ADCY6: variants seen among roughly 807,000 people sequenced by gnomAD.
The protein encoded by ADCY6 is adenylate cyclase 6.
ADCY6 carries 59 observed loss-of-function variants against 111.6 expected under a neutral mutation model. The observed-to-expected ratio is 0.53, with a 90% CI of 0.43 to 0.66. The LOEUF (loss-of-function observed/expected upper bound fraction) is 0.66, where lower values mean the gene tolerates loss of function less well. Among genes scored for constraint, ADCY6 ranks in the 30% least tolerant of loss-of-function variants. ADCY6 has a pLI of 0.00. For missense variants in ADCY6, 1,242 were observed against 1,595.6 expected (o/e 0.78, Z 3.78); for synonymous variants, 576 against 642.9 (o/e 0.90, Z 1.57).
At chr12:48,772,127 A>G in intron 18 of ADCY6, 154 bp from the exon 19 acceptor site, 1 of 1,377,550 alleles carries the variant, frequency 7.3e-7, no homozygotes, top group Non-Finnish European at 9.7e-7. Context: ...TAAAGGGGGC[A>G]GGTAGAGGAT....
At chr12:48,775,090 T>C (rs747668070) in intron 11 of ADCY6, 36 bp from the exon 12 acceptor site, 3 of 1,528,298 alleles carry the variant, frequency 2.0e-6, no homozygotes, top group African/African-American at 1.4e-5. Flanking sequence ...TGCTGGGCCC[T>C]CCCTAAGGAA....
chr12:48,775,595 G>A (rs1941675462), intron 10 of ADCY6, 78 bp downstream of exon 10: 1 of 1,585,810 alleles, frequency 6.3e-7, no homozygotes, highest in South Asian at 1.1e-5. Context: ...CTAAGGTCAG[G>A]GAAAAGGAGG....
rs1161773397 is a variant in ADCY6 at position 48,772,558 on chromosome 12, G to A, written c.2622-15C>T. On this transcript the variant is annotated splice_polypyrimidine_tract_variant and intron_variant, in intron 16 of 21. Coordinates refer to ENST00000357869, the MANE Select transcript of ADCY6 (RefSeq NM_015270.5). ...TGGAAGAAGCCCTGGTAAGAAGATA[G>A]AAGAGACAAAGTCATCAGTGCTTCC... is the stretch of plus-strand genomic sequence containing the variant. 6.2e-7 allele frequency: 1 copy of A among 1,614,180 alleles called. No homozygotes were observed. The highest frequency in any genetic ancestry group is 1.7e-5 in the Admixed American group (1 of 60,020).
chr12:48,774,582 A>C, intron 13 of ADCY6, 64 bp from the exon 14 acceptor site: 5 of 1,579,734 alleles, frequency 3.2e-6, no homozygotes, highest in Non-Finnish European at 4.4e-6. Flanking sequence ...GCAACCAGGG[A>C]TGGGGCCCAG....
chr12:48,775,332 T>C lies in ADCY6; in HGVS notation c.1951A>G (p.Thr651Ala). The C allele has an allele frequency of 6.2e-7, 1 of 1,613,978 alleles. No homozygotes were observed. Among genetic ancestry groups the C allele is most frequent in the Non-Finnish European group, 8.5e-7 (1 of 1,179,980 alleles). Reference protein sequence around the residue: ...RKDHVRRFLLTFQREDLEKKY... With the variant: ...RKDHVRRFLLAFQREDLEKKY... ...TTCTCAAGATCCTCTCTCTGGAAGG[T>C]GAGCAGAAACCGGCGCACATGGTCC... is the stretch of plus-strand genomic sequence containing the variant. Residue 651 changes from threonine to alanine, a missense_variant, in exon 11 of 22, where the codon ACC (threonine) becomes GCC (alanine). Physicochemically the swap from Thr to Ala is moderately conservative, Grantham distance 58. Transcript: ENST00000357869.
Position 48,771,829 on chromosome 12 carries a change from C to T in ADCY6, c.2932G>A (p.Val978Met), listed in dbSNP as rs1340911276. 6.2e-7 allele frequency: 1 copy of T among 1,614,228 alleles called. No individual in the cohort carries two copies. The highest frequency in any genetic ancestry group is 8.5e-7 in the Non-Finnish European group (1 of 1,180,054). Residue 978 changes from valine (V) to methionine (M), a missense_variant, in exon 19 of 22, where the codon GTG (valine) becomes ATG (methionine). By Grantham distance (21) the Val-to-Met change is conservative. Coordinates refer to ENST00000357869, the MANE Select transcript of ADCY6 (RefSeq NM_015270.5). The surrounding 1 kb of genome is among the most constrained non-coding windows in gnomAD (Gnocchi z 4.3). Reference sequence around the variant, plus strand: ...GCAATGGAGGCAAACATAACAGCCACACACTCACACGACTGATAGTAGAGT... The same window carrying T: ...GCAATGGAGGCAAACATAACAGCCATACACTCACACGACTGATAGTAGAGT... ...DELYYQSCEC[V>M]AVMFASIANF...
rs368180365 is a variant in ADCY6, at chr12:48,775,626, C to T, written c.1832+47G>A. 4 of 1,600,314 alleles carry T rather than the reference C, an allele frequency of 2.5e-6. No homozygotes were observed. In the East Asian group the frequency reaches 6.7e-5, roughly 27 times the overall value. On this transcript the variant is annotated intron_variant, in intron 10 of 21. Coordinates refer to ENST00000357869, the MANE Select transcript of ADCY6 (RefSeq NM_015270.5). The stretch of plus-strand genomic sequence containing the variant: ...GGAGGATCTCGGCTCCCCCCAGCCC[C>T]ATCCCAGGGTGCAAGTGCCTTCTCC...
At chr12:48,789,173 C>G (rs1345470915), upstream of ADCY6, 1 of 152,396 alleles carries the variant, frequency 6.6e-6, no homozygotes, top group Non-Finnish European at 1.5e-5. Flanking sequence ...GGGCATCCCC[C>G]TCCCCCTCCC....
At position 48,782,563 on chromosome 12, in the gene ADCY6, C is replaced by T. The variant is rs1368480499; in HGVS notation, c.864+8G>A. On this transcript the variant is annotated splice_region_variant and intron_variant, in intron 2 of 21. Coordinates refer to ENST00000357869, the MANE Select transcript of ADCY6 (RefSeq NM_015270.5). This position sits in a 1 kb window ranked among gnomAD's most constrained non-coding sequence, Gnocchi z 4.3. ...CTGCCCTCCATCCCTACCTCCCTGG[C>T]CACCTACCTGCTTCCAGAGGAAGGC... The T allele has an allele frequency of 6.2e-7, 1 of 1,604,244 alleles. No individual in the cohort carries two copies. The highest frequency in any genetic ancestry group is 2.2e-5 in the East Asian group (1 of 44,818).
intron 1 of ADCY6, among the ~76,000 whole-genome samples, chr12:48,786,812 A>T (rs1372852331): frequency 6.6e-6 from 1 of 152,224 alleles, no homozygotes; most frequent in Admixed American, 6.5e-5. Flanking sequence ...TTGGCATGAG[A>T]CCAGGGTTCC....
Position 48,777,980 on chromosome 12 carries a change from T to A in ADCY6, c.1014+128A>T, listed in dbSNP as rs1297159728. 1.5e-6 allele frequency: 2 copies of A among 1,363,354 alleles called. No homozygotes were observed. 84.5% of individuals were successfully genotyped at this position (1,363,354 alleles called of 1,614,324 possible). A position where few individuals can be genotyped will look rare whatever the true frequency, so the allele number is the denominator to read the frequency against. On this transcript the variant is annotated intron_variant, in intron 3 of 21. Transcript: ENST00000357869. This position sits in a 1 kb window ranked among gnomAD's most constrained non-coding sequence, Gnocchi z 4.9. ...GACAAAACCCCAGTATCACAGGGCC[T>A]CTGTGACGCACAACCCAGGGGAACC...
At chr12:48,773,690 A>C (rs1941613112) in intron 15 of ADCY6, 43 bp from the exon 16 acceptor site, 5 of 1,610,248 alleles carry the variant, frequency 3.1e-6, no homozygotes, top group Non-Finnish European at 3.4e-6. Context: ...GGCAGAGGCC[A>C]CAGCACCCTT....
Position 48,776,107 on chromosome 12 carries a change from G to A in ADCY6, c.1678-16C>T. 4 of 1,613,850 alleles carry A rather than the reference G, an allele frequency of 2.5e-6. No individual in the cohort carries two copies. The highest frequency in any genetic ancestry group is 3.4e-6 in the Non-Finnish European group (4 of 1,179,876). On this transcript the variant is annotated splice_polypyrimidine_tract_variant and intron_variant, in intron 8 of 21. Transcript: ENST00000357869. The surrounding 1 kb of genome is among the most constrained non-coding windows in gnomAD (Gnocchi z 6.1). ...TCTCCTCTTTCTGTGCGGGCAGCAT[G>A]GGTACAGGCTCAGAAGAGGGGCCCA...
chr12:48,776,586 C>A lies in ADCY6; in HGVS notation c.1377G>T (p.Ser459=). Residue 459 remains serine (S), a splice_region_variant and synonymous_variant, in exon 7 of 22, where the codon TCG becomes TCT. Transcript: ENST00000357869. The surrounding 1 kb of genome is among the most constrained non-coding windows in gnomAD (Gnocchi z 6.1). ...TCACACCTGTCACCTCACGTACCAG[C>A]CTGGGAGGATGCAGCCCCAGATCAG... ...EMGVDMIEAI[S]LVREVTGVNV... 1 of 1,605,642 alleles carries A rather than the reference C, an allele frequency of 6.2e-7. No homozygotes were observed. Among genetic ancestry groups the A allele is most frequent in the Admixed American group, 1.7e-5 (1 of 59,760 alleles).
Position 48,776,935 on chromosome 12 carries a change from C to T in ADCY6, c.1376+169G>A, listed in dbSNP as rs1280755028. On this transcript the variant is annotated intron_variant, in intron 6 of 21. Transcript: ENST00000357869. The surrounding 1 kb of genome is among the most constrained non-coding windows in gnomAD (Gnocchi z 6.1). ...TCGGCTGGCTGGGAGTCTAGGGGTCCGCATGGGTCTTTGCACAGGTTGGAG... is the reference window on the plus strand; with the variant it reads ...TCGGCTGGCTGGGAGTCTAGGGGTCTGCATGGGTCTTTGCACAGGTTGGAG... 6.6e-6 allele frequency among the ~76,000 whole-genome samples: 1 copy of T among 152,172 alleles called. No individual in the cohort carries two copies. The highest frequency in any genetic ancestry group is 2.4e-5 in the African/African-American group (1 of 41,438).
chr12:48,786,425 G>A (rs1374993336), intron 1 of ADCY6, among the ~76,000 whole-genome samples: 1 of 152,168 alleles, frequency 6.6e-6, no homozygotes, highest in Admixed American at 6.5e-5. Context: ...GGAGTGCAGT[G>A]GCACAATCTC....
At position 48,783,151 on chromosome 12, in the gene ADCY6, TCGGTATCCTCGAAGCCCAGGGCCA is replaced by T; in HGVS notation, c.260_283del (p.Val87_Thr94del). On this transcript the variant is annotated inframe_deletion, in exon 2 of 22. Transcript: ENST00000357869. ...CGTCCCGCCCGCTGTCGTTGTCACC[TCGGTATCCTCGAAGCCCAGGGCCA>T]CTGCCCGCAGCCCCAGCTCCTTGCC... 3.1e-6 allele frequency: 5 copies of T among 1,607,444 alleles called. No homozygotes were observed. The highest frequency in any genetic ancestry group is 4.2e-6 in the Non-Finnish European group (5 of 1,179,490).
At chr12:48,788,282 A>C (rs1194425488) in intron 1 of ADCY6, among the ~76,000 whole-genome samples, 1 of 152,152 alleles carries the variant, frequency 6.6e-6, no homozygotes, top group Non-Finnish European at 1.5e-5. Context: ...AGGTCCCTCC[A>C]GCTCACAGGG....
In ADCY6 at chr12:48,776,383, C is replaced by G. The variant is rs1331496430; in HGVS notation, c.1536-33G>C. 6 of 1,613,968 alleles carry G rather than the reference C, an allele frequency of 3.7e-6. No individual in the cohort carries two copies. Among genetic ancestry groups the G allele is most frequent in the Non-Finnish European group, 5.1e-6 (6 of 1,179,892 alleles). On this transcript the variant is annotated intron_variant, in intron 7 of 21. Coordinates refer to ENST00000357869, the MANE Select transcript of ADCY6 (RefSeq NM_015270.5). This position sits in a 1 kb window ranked among gnomAD's most constrained non-coding sequence, Gnocchi z 6.1. Reference sequence around the variant, plus strand: ...TGGCCAAGAGGGTGAGACCCTGGCTCTCCCACCTTGCCCCCATCCCCCCCA... The same window carrying G: ...TGGCCAAGAGGGTGAGACCCTGGCTGTCCCACCTTGCCCCCATCCCCCCCA...
Sources: gnomAD v4.1 joint callset for allele counts (sites outside exome capture counted in the v4.1 genomes callset) on GRCh38, gnomAD v4.1.1 for gene constraint, Gnocchi (gnomAD v3.1) non-coding constraint, MANE v1.5 for transcripts, NCBI Gene and HGNC (gene_info 2026-07-23, HGNC 2026-07-21) for gene names.